Variants in PRMT3 observed in about 807,000 individuals in gnomAD.
The protein encoded by PRMT3 is protein arginine methyltransferase 3.
A neutral mutation model predicts 71.9 loss-of-function variants in PRMT3; 62 were observed. That is an observed-to-expected ratio of 0.86 (90% CI 0.70 to 1.07). PRMT3 has a LOEUF of 1.07. Ranked by LOEUF, PRMT3 falls within the 50% of genes least tolerant of loss-of-function variation. PRMT3 has a pLI of 0.00. For synonymous variants in PRMT3, 213 were observed against 220.4 expected (o/e 0.97, Z 0.30); for missense variants, 663 against 643.0 (o/e 1.03, Z -0.34).
At chr11:20,398,066 A>G (rs1848868813) in intron 7 of PRMT3, among the ~76,000 whole-genome samples, 1 of 151,414 alleles carries the variant, frequency 6.6e-6, no homozygotes, top group Admixed American at 6.6e-5. Flanking sequence ...TGTACATTCC[A>G]TTTAAAATCA....
At chr11:20,444,364 C>T (rs528690788) in intron 10 of PRMT3, among the ~76,000 whole-genome samples, 1 of 152,088 alleles carries the variant, frequency 6.6e-6, no homozygotes, top group Non-Finnish European at 1.5e-5. Context: ...AGCAGTGAAC[C>T]TCATGTTCAG....
chr11:20,452,643 T>C (rs1201911956), intron 11 of PRMT3, among the ~76,000 whole-genome samples: 1 of 152,218 alleles, frequency 6.6e-6, no homozygotes, highest in East Asian at 1.9e-4. Context: ...TCTGAGAACA[T>C]TTCAAGTAGT....
Position 20,407,793 on chromosome 11 carries a change from T to G in PRMT3, c.772-118T>G, listed in dbSNP as rs1243380856. 3.6e-6 allele frequency: 4 copies of G among 1,118,294 alleles called. No homozygotes were observed. The East Asian group carries it at 1.1e-4, about 31-fold the overall frequency. The allele number at this position is 1,118,294 out of a possible 1,614,324, so 69.3% of individuals were successfully genotyped here. On this transcript the variant is annotated intron_variant, in intron 8 of 15. Transcript: ENST00000331079. ...CGTGAGCCACCGCGCCTGGCCAGTT[T>G]CAGATTTTTATTGTGATCTTTTCCT...
intron 15 of PRMT3, among the ~76,000 whole-genome samples, chr11:20,498,578 A>G (rs1209088687): frequency 6.6e-6 from 1 of 152,094 alleles, no homozygotes; most frequent in African/African-American, 2.4e-5. Context: ...AAAATACAAA[A>G]AATTAGCTGG....
chr11:20,455,855 AAAAGT>A lies in PRMT3; in HGVS notation c.1072+3653_1072+3657del, dbSNP rs548319938. Among the ~76,000 whole-genome samples the A allele has an allele frequency of 9.0e-3, 1,366 of 152,252 alleles. 12 individuals carry two copies. The highest frequency in any genetic ancestry group is 0.02 in the Middle Eastern group (6 of 294). ...CTATTGAGACAATTGTGTAAAAAAA[AAAAGT>A]AAAGTTTAATCCACACAATAAATTG... On this transcript the variant is annotated intron_variant, in intron 11 of 15. Coordinates refer to ENST00000331079, the MANE Select transcript of PRMT3 (RefSeq NM_005788.4).
intron 7 of PRMT3, among the ~76,000 whole-genome samples, chr11:20,399,628 T>G (rs1848905601): frequency 6.6e-6 from 1 of 152,172 alleles, no homozygotes. Flanking sequence ...CTTTCATTCC[T>G]TTGGTATGGA....
Position 20,428,801 on chromosome 11 carries a change from G to A in PRMT3, c.993+1936G>A, listed in dbSNP as rs113855239. The stretch of plus-strand genomic sequence containing the variant: ...CTAAATCTCCCAAGATTTAAGAAAG[G>A]GAGAAGCCAGGGCATTTCTTCCCTT... On this transcript the variant is annotated intron_variant, in intron 10 of 15. Coordinates refer to ENST00000331079, the MANE Select transcript of PRMT3 (RefSeq NM_005788.4). Among the ~76,000 whole-genome samples the A allele has an allele frequency of 7.2e-3, 1,092 of 152,272 alleles. 6 individuals are homozygous for A. Among genetic ancestry groups the A allele is most frequent in the Non-Finnish European group, 9.6e-3 (654 of 68,018 alleles).
intron 15 of PRMT3, among the ~76,000 whole-genome samples, chr11:20,496,406 A>G (rs1851333170): frequency 6.6e-6 from 1 of 152,114 alleles, no homozygotes; most frequent in South Asian, 2.1e-4. Context: ...CGACATAGTG[A>G]GACCCTGTCT....
chr11:20,417,609 A>G (rs1189860378), intron 9 of PRMT3, among the ~76,000 whole-genome samples: 2 of 152,142 alleles, frequency 1.3e-5, no homozygotes, highest in African/African-American at 4.8e-5. Flanking sequence ...TATTCCAAAG[A>G]TCCTGAAATG....
At chr11:20,478,103 C>T (rs780861518) in intron 13 of PRMT3, among the ~76,000 whole-genome samples, 2 of 152,188 alleles carry the variant, frequency 1.3e-5, no homozygotes, top group African/African-American at 2.4e-5. Flanking sequence ...ATTTATTCCC[C>T]TCTGGAGACA....
chr11:20,389,673 A>T, intron 2 of PRMT3, 71 bp from the exon 3 acceptor site: 1 of 1,008,588 alleles, frequency 9.9e-7, no homozygotes, highest in East Asian at 2.5e-5. Context: ...AAAAAAGTGT[A>T]TATGTAACAT....
intron 10 of PRMT3, among the ~76,000 whole-genome samples, chr11:20,438,503 C>G (rs538102087): frequency 6.6e-6 from 1 of 152,064 alleles, no homozygotes; most frequent in Non-Finnish European, 1.5e-5. Flanking sequence ...GGGGGTTAGT[C>G]TAGCTTCAGG....
intron 15 of PRMT3, among the ~76,000 whole-genome samples, chr11:20,497,389 C>G (rs1851357197): frequency 6.6e-6 from 1 of 152,038 alleles, no homozygotes; most frequent in African/African-American, 2.4e-5. Context: ...AATAGTAAGA[C>G]CAATGTATCA....
At chr11:20,485,495 A>C (rs1400053263) in intron 13 of PRMT3, among the ~76,000 whole-genome samples, 7 of 152,208 alleles carry the variant, frequency 4.6e-5, no homozygotes, top group African/African-American at 1.7e-4. Context: ...AACAAATGGA[A>C]ACATTTTTTA....
intron 3 of PRMT3, among the ~76,000 whole-genome samples, chr11:20,390,358 A>G (rs533769474): frequency 6.6e-6 from 1 of 152,362 alleles, no homozygotes; most frequent in South Asian, 2.1e-4. Context: ...AACTAAAAAC[A>G]AAAACAGACT....
At chr11:20,400,619 C>G (rs111487959) in intron 7 of PRMT3, among the ~76,000 whole-genome samples, 2 of 152,196 alleles carry the variant, frequency 1.3e-5, no homozygotes, top group African/African-American at 4.8e-5. Flanking sequence ...GTATCTGCAC[C>G]TGTCTCATGC....
intron 7 of PRMT3, among the ~76,000 whole-genome samples, chr11:20,401,890 T>G (rs1848956428): frequency 6.6e-6 from 1 of 152,134 alleles, no homozygotes; most frequent in Non-Finnish European, 1.5e-5. Context: ...AATGATTTAC[T>G]TTTAGGCTTA....
At chr11:20,501,327 A>C (rs944704319) in intron 15 of PRMT3, among the ~76,000 whole-genome samples, 2 of 152,176 alleles carry the variant, frequency 1.3e-5, no homozygotes, top group Non-Finnish European at 2.9e-5. Context: ...TGAATAAATG[A>C]ATAAGTACAA....
chr11:20,426,740 C>G, intron 9 of PRMT3, 26 bp from the exon 10 acceptor site: 1 of 1,428,720 alleles, frequency 7.0e-7, no homozygotes, highest in Non-Finnish European at 9.2e-7. Context: ...GTTTAACCTA[C>G]TAATCTAATT....
Sources: allele counts gnomAD v4.1 joint callset (sites outside exome capture counted in the v4.1 genomes callset), GRCh38; gene constraint gnomAD v4.1.1; transcripts MANE v1.5; gene names NCBI Gene and HGNC (gene_info 2026-07-23, HGNC 2026-07-21).